The following VKORC1L1 variants were observed in gnomAD, a reference collection of about 807,000 sequenced individuals.
The protein encoded by VKORC1L1 is vitamin K epoxide reductase complex subunit 1-like protein 1.
Under a neutral mutation model 18.9 loss-of-function variants are expected in VKORC1L1, and 2 were observed. The ratio of observed to expected loss-of-function variants is 0.11; its 90% CI spans 0.04 to 0.33. VKORC1L1 has a LOEUF of 0.33. Among genes scored for constraint, VKORC1L1 ranks in the 10% least tolerant of loss-of-function variants. The pLI is 1.00. For synonymous variants in VKORC1L1, 96 were observed against 100.0 expected, an observed-to-expected ratio of 0.96 and a Z score of 0.24; for missense variants, 123 against 224.1, an observed-to-expected ratio of 0.55 and a Z score of 2.88.
In VKORC1L1 at chr7:65,955,500, C is replaced by T. The variant is rs1790281880; in HGVS notation, c.*1200C>T. The T allele has an allele frequency of 1.3e-5, 2 of 152,272 alleles. No individual in the cohort carries two copies. The allele number at this position is 152,272 out of a possible 1,614,324, so 9.4% of individuals were successfully genotyped here. ...TCAAGGCTAAATCTGCTCATGTCGC[C>T]ACTGCTCTCATAATGACACACATGC... is the stretch of plus-strand genomic sequence containing the variant. On this transcript the variant is annotated 3_prime_UTR_variant, in exon 3 of 3. Coordinates refer to ENST00000360768, the MANE Select transcript of VKORC1L1 (RefSeq NM_173517.6).
At chr7:65,887,946 G>A (rs1176316496) in intron 1 of VKORC1L1, among the ~76,000 whole-genome samples, 1 of 152,134 alleles carries the variant, frequency 6.6e-6, no homozygotes, top group Non-Finnish European at 1.5e-5. Flanking sequence ...TAGTGATAGT[G>A]GGTTTAAAAA....
At position 65,895,480 on chromosome 7, in the gene VKORC1L1, A is replaced by AAT. The variant is rs1162173957; in HGVS notation, c.194+21951_194+21952dup. Among the ~76,000 whole-genome samples the AAT allele has an allele frequency of 3.4e-3, 145 of 42,758 alleles. 1 individual carries two copies. The highest frequency in any genetic ancestry group is 0.019 in the Middle Eastern group (1 of 54). The allele number at this position is 42,758 out of a possible 152,430, so 28.1% of individuals were successfully genotyped here. A position where few individuals can be genotyped will look rare whatever the true frequency, so the allele number is the denominator to read the frequency against. On this transcript the variant is annotated intron_variant, in intron 1 of 2. Coordinates refer to ENST00000360768, the MANE Select transcript of VKORC1L1 (RefSeq NM_173517.6). ...AAAAAAAAAAAAAAAAAAAAAAAAA[A>AAT]ATATATATATATATATATATATATA...
intron 1 of VKORC1L1, among the ~76,000 whole-genome samples, chr7:65,917,322 T>C (rs978103295): frequency 6.6e-6 from 1 of 152,196 alleles, no homozygotes; most frequent in Non-Finnish European, 1.5e-5. Context: ...ATCCTTCCAT[T>C]CTGCTGTGCA....
intron 1 of VKORC1L1, among the ~76,000 whole-genome samples, chr7:65,920,391 C>T (rs1468392759): frequency 2.0e-5 from 3 of 152,152 alleles, no homozygotes; most frequent in Non-Finnish European, 4.4e-5. Context: ...ATGTTTGGGT[C>T]TCTCCCACCT....
intron 1 of VKORC1L1, among the ~76,000 whole-genome samples, chr7:65,901,068 G>A (rs1026130487): frequency 2.0e-5 from 3 of 152,134 alleles, no homozygotes; most frequent in African/African-American, 7.2e-5. Flanking sequence ...TCAAGAATCA[G>A]AAATGATAAT....
In VKORC1L1 at chr7:65,927,482, C is replaced by T. The variant is rs147781575; in HGVS notation, c.195-21189C>T. On this transcript the variant is annotated intron_variant, in intron 1 of 2. Coordinates refer to ENST00000360768, the MANE Select transcript of VKORC1L1 (RefSeq NM_173517.6). ...TTGTACCTGTGAGAAACAAACTCAT[C>T]TGTCCAAACCCAAAGAATGGACTCA... Among the ~76,000 whole-genome samples the T allele has an allele frequency of 1.9e-3, 290 of 152,270 alleles. 3 individuals carry two copies. The highest frequency in any genetic ancestry group is 6.8e-3 in the African/African-American group (283 of 41,546).
At chr7:65,941,981 G>A (rs1287714860) in intron 1 of VKORC1L1, among the ~76,000 whole-genome samples, 4 of 152,076 alleles carry the variant, frequency 2.6e-5, no homozygotes, top group African/African-American at 7.2e-5. Context: ...TTCTTCATCC[G>A]GCTACTGATT....
At chr7:65,942,174 G>C (rs1790045692) in intron 1 of VKORC1L1, among the ~76,000 whole-genome samples, 1 of 152,112 alleles carries the variant, frequency 6.6e-6, no homozygotes, top group African/African-American at 2.4e-5. Flanking sequence ...GATATTTCTA[G>C]TAAAACTACT....
chr7:65,873,019 C>A (rs1376626887), upstream of VKORC1L1, among the ~76,000 whole-genome samples: 1 of 147,432 alleles, frequency 6.8e-6, no homozygotes, highest in Non-Finnish European at 1.5e-5. Flanking sequence ...CCTTTCTCCC[C>A]CGGGCTCCAC....
intron 1 of VKORC1L1, among the ~76,000 whole-genome samples, chr7:65,913,464 T>C (rs1789535357): frequency 6.6e-6 from 1 of 152,002 alleles, no homozygotes; most frequent in African/African-American, 2.4e-5. Flanking sequence ...GCGGTGACTC[T>C]CACCTGTAAT....
At chr7:65,921,633 G>A (rs1789676995) in intron 1 of VKORC1L1, among the ~76,000 whole-genome samples, 2 of 152,158 alleles carry the variant, frequency 1.3e-5, no homozygotes, top group Non-Finnish European at 2.9e-5. Flanking sequence ...TGGATCATGA[G>A]GTCAGGAACT....
chr7:65,883,960 G>A (rs1159906067), intron 1 of VKORC1L1, among the ~76,000 whole-genome samples: 7 of 152,150 alleles, frequency 4.6e-5, no homozygotes, highest in South Asian at 2.1e-4. Context: ...TGTGATTACC[G>A]ATCCTTTTAA....
rs564605453 is a variant in VKORC1L1 at position 65,876,096 on chromosome 7, C to T, written c.194+2531C>T. 3.7e-4 allele frequency among the ~76,000 whole-genome samples: 56 copies of T among 152,026 alleles called. No homozygotes were observed. In the South Asian group the frequency reaches 0.011, roughly 30 times the overall value. On this transcript the variant is annotated intron_variant, in intron 1 of 2. Transcript: ENST00000360768. ...TTATATTTCTAAAGAAATATTTCAC[C>T]GAAATTAGTAGGCTACAATAGAAAT...
At chr7:65,881,100 T>G (rs1388661994) in intron 1 of VKORC1L1, among the ~76,000 whole-genome samples, 1 of 152,182 alleles carries the variant, frequency 6.6e-6, no homozygotes, top group Admixed American at 6.5e-5. Context: ...CCAAAGCATT[T>G]CAGCTCCAAA....
intron 1 of VKORC1L1, among the ~76,000 whole-genome samples, chr7:65,876,460 C>A (rs1287628714): frequency 6.6e-6 from 1 of 151,680 alleles, no homozygotes; most frequent in Non-Finnish European, 1.5e-5. Context: ...CAAGATCGCG[C>A]CATTGCACTC....
chr7:65,945,517 C>T (rs1178085921), intron 1 of VKORC1L1, among the ~76,000 whole-genome samples: 1 of 151,836 alleles, frequency 6.6e-6, no homozygotes, highest in Non-Finnish European at 1.5e-5. Context: ...GAGGCTGAGG[C>T]AGGAGAATGG....
At chr7:65,875,446 C>T (rs1237902323) in intron 1 of VKORC1L1, among the ~76,000 whole-genome samples, 1 of 151,866 alleles carries the variant, frequency 6.6e-6, no homozygotes, top group East Asian at 1.9e-4. Context: ...GAGACGGAGT[C>T]TTGCTCTGTC....
At chr7:65,920,645 G>C (rs577323266) in intron 1 of VKORC1L1, among the ~76,000 whole-genome samples, 14 of 152,148 alleles carry the variant, frequency 9.2e-5, no homozygotes, top group Admixed American at 7.2e-4. Flanking sequence ...TGAGAATTAA[G>C]TAGCTTCTGT....
intron 2 of VKORC1L1, among the ~76,000 whole-genome samples, chr7:65,951,379 G>A (rs1252204336): frequency 1.3e-5 from 2 of 152,054 alleles, no homozygotes; most frequent in African/African-American, 4.8e-5. Flanking sequence ...TTCAAGACCA[G>A]CCTGGCCAAC....
Sources: allele counts gnomAD v4.1 joint callset (sites outside exome capture counted in the v4.1 genomes callset), GRCh38; gene constraint gnomAD v4.1.1; transcripts MANE v1.5; gene names NCBI Gene and HGNC (gene_info 2026-07-23, HGNC 2026-07-21).